The following CCDC102A variants were observed in gnomAD, a reference collection of about 807,000 sequenced individuals.
CCDC102A encodes the protein coiled-coil domain containing 102A.
Under a neutral mutation model 55.5 loss-of-function variants are expected in CCDC102A, and 40 were observed. The observed-to-expected ratio is 0.72, with a 90% CI of 0.56 to 0.94. CCDC102A has a LOEUF of 0.94. Ranked by LOEUF, CCDC102A falls within the 40% of genes least tolerant of loss-of-function variation. The pLI, the probability that CCDC102A is intolerant of heterozygous loss-of-function variation, is 0.00. For synonymous variants in CCDC102A, 323 were observed against 339.0 expected (o/e 0.95, Z 0.52); for missense variants, 779 against 768.6 (o/e 1.01, Z -0.16).
chr16:57,519,911 C>G (rs2032016946), intron 4 of CCDC102A, among the ~76,000 whole-genome samples: 1 of 152,230 alleles, frequency 6.6e-6, no homozygotes, highest in East Asian at 1.9e-4. Context: ...CCCACCGATC[C>G]AGTGTGGCGT....
chr16:57,518,496 C>G, intron 5 of CCDC102A, 129 bp downstream of exon 5: 1 of 842,638 alleles, frequency 1.2e-6, no homozygotes, highest in Admixed American at 2.0e-5. Context: ...GATCAGGACA[C>G]CATTGGATGT....
intron 8 of CCDC102A, among the ~76,000 whole-genome samples, chr16:57,513,747 G>A (rs756785940): frequency 6.6e-6 from 1 of 152,206 alleles, no homozygotes; most frequent in Non-Finnish European, 1.5e-5. Flanking sequence ...AGCCAGCCAG[G>A]CATGGGTCCT....
At chr16:57,517,540 C>T (rs2031975688) in intron 6 of CCDC102A, among the ~76,000 whole-genome samples, 1 of 152,118 alleles carries the variant, frequency 6.6e-6, no homozygotes, top group Non-Finnish European at 1.5e-5. Context: ...TATGGGGTTT[C>T]GCCATGTTAG....
intron 3 of CCDC102A, among the ~76,000 whole-genome samples, chr16:57,522,919 C>T (rs148484154): frequency 9.3e-4 from 142 of 152,306 alleles, no homozygotes; most frequent in African/African-American, 3.3e-3. Flanking sequence ...GTAATCCTAG[C>T]GCTTTGGGAG....
Position 57,523,647 on chromosome 16 carries a change from A to AT in CCDC102A, c.812+2253dup, listed in dbSNP as rs1299522774. On this transcript the variant is annotated intron_variant, in intron 3 of 8. Transcript: ENST00000258214. ...AGTGGCACAGCCCCGTTCCCAGCTA[A>AT]TTTTTTTTTTTTTGTAGGCCAGGCA... is the stretch of plus-strand genomic sequence containing the variant. Among the ~76,000 whole-genome samples the AT allele has an allele frequency of 2.1e-3, 309 of 145,518 alleles. 1 individual carries two copies. The highest frequency in any genetic ancestry group is 0.011 in the Middle Eastern group (3 of 274).
At chr16:57,532,778 CAT>C (rs1477622874) in intron 1 of CCDC102A, among the ~76,000 whole-genome samples, 1 of 152,100 alleles carries the variant, frequency 6.6e-6, no homozygotes, top group African/African-American at 2.4e-5. Context: ...CCTAGCTCCA[CAT>C]AGAGAAGCTC....
chr16:57,535,514 C>T (rs1006917142), intron 1 of CCDC102A, among the ~76,000 whole-genome samples: 1 of 152,046 alleles, frequency 6.6e-6, no homozygotes, highest in Non-Finnish European at 1.5e-5. Flanking sequence ...TCTTAGCCAC[C>T]TGAGGGGCAC....
chr16:57,520,345 G>A (rs1213502420), intron 4 of CCDC102A, among the ~76,000 whole-genome samples: 1 of 152,012 alleles, frequency 6.6e-6, no homozygotes, highest in Non-Finnish European at 1.5e-5. Context: ...AGCCCCTTTA[G>A]GTCTTGCCTC....
At chr16:57,531,823 C>T (rs146648642) in intron 1 of CCDC102A, among the ~76,000 whole-genome samples, 4 of 152,216 alleles carry the variant, frequency 2.6e-5, no homozygotes, top group Non-Finnish European at 5.9e-5. Context: ...TCCTGGCAAA[C>T]GCCAACCCTG....
chr16:57,534,652 C>T (rs992582622), intron 1 of CCDC102A, among the ~76,000 whole-genome samples: 19 of 152,268 alleles, frequency 1.2e-4, no homozygotes, highest in African/African-American at 4.6e-4. Flanking sequence ...ACAGCAGATG[C>T]GTGATGGATG....
In CCDC102A at chr16:57,512,528, G is replaced by T. The variant is rs113455400; in HGVS notation, c.*213C>A. ...CTTCTGGGTGTGCGCGCGCGCGCGC[G>T]CGTGTGTGTATATATATATATAAAA... On this transcript the variant is annotated 3_prime_UTR_variant, in exon 9 of 9. Transcript: ENST00000258214. The T allele has an allele frequency of 6.0e-6, 3 of 497,492 alleles. No homozygotes were observed. Among genetic ancestry groups the T allele is most frequent in the Non-Finnish European group, 1.0e-5 (3 of 290,958 alleles). 30.8% of individuals were successfully genotyped at this position (497,492 alleles called of 1,614,324 possible).
intron 8 of CCDC102A, 57 bp from the exon 9 acceptor site, chr16:57,512,927 G>A: frequency 1.3e-6 from 2 of 1,507,514 alleles, no homozygotes; most frequent in Non-Finnish European, 1.8e-6. Context: ...CCCCCGATAA[G>A]GTGGCTGCAG....
In CCDC102A at chr16:57,529,450, T is replaced by G. The variant is rs1001848431; in HGVS notation, c.-147-126A>C. 16 of 200,012 alleles carry G rather than the reference T, an allele frequency of 8.0e-5. No individual in the cohort carries two copies. In the Admixed American group the frequency reaches 1.0e-3, roughly 13 times the overall value. The allele number at this position is 200,012 out of a possible 1,614,324, so 12.4% of individuals were successfully genotyped here. ...AGGAGAGAGTTCTGTTCCAGGAGAG[T>G]CCCAATGAGGCAGGATTGGTGGAGC... is the stretch of plus-strand genomic sequence containing the variant. On this transcript the variant is annotated intron_variant, in intron 1 of 8. Coordinates refer to ENST00000258214, the MANE Select transcript of CCDC102A (RefSeq NM_033212.4). The surrounding 1 kb of genome is among the most constrained non-coding windows in gnomAD (Gnocchi z 4.1).
At chr16:57,532,061 G>C (rs2032276656) in intron 1 of CCDC102A, among the ~76,000 whole-genome samples, 1 of 152,164 alleles carries the variant, frequency 6.6e-6, no homozygotes, top group African/African-American at 2.4e-5. Context: ...CCAACCTCAT[G>C]TAAGCCACTG....
intron 2 of CCDC102A, 36 bp downstream of exon 2, chr16:57,528,557 A>G (rs1169902857): frequency 2.5e-6 from 3 of 1,188,616 alleles, no homozygotes; most frequent in African/African-American, 1.6e-5. Flanking sequence ...GCCCACTTCG[A>G]GACTGGAGCG....
In CCDC102A at chr16:57,516,107, C is replaced by T. The variant is rs572168507; in HGVS notation, c.1419+186G>A. ...TTCTGTTCATTTTTCTTCCCATCTTCCCACCCACATGTCCATCCTGCCATC... is the reference window on the plus strand; with the variant it reads ...TTCTGTTCATTTTTCTTCCCATCTTTCCACCCACATGTCCATCCTGCCATC... On this transcript the variant is annotated intron_variant, in intron 7 of 8. Transcript: ENST00000258214. The surrounding 1 kb of genome is among the most constrained non-coding windows in gnomAD (Gnocchi z 4.4). Among the ~76,000 whole-genome samples the T allele has an allele frequency of 9.2e-5, 14 of 152,372 alleles. No homozygotes were observed. In the South Asian group the frequency reaches 2.9e-3, roughly 32 times the overall value.
Position 57,516,171 on chromosome 16 carries a change from C to T in CCDC102A, c.1419+122G>A, listed in dbSNP as rs1452088994. On this transcript the variant is annotated intron_variant, in intron 7 of 8. Coordinates refer to ENST00000258214, the MANE Select transcript of CCDC102A (RefSeq NM_033212.4). This position sits in a 1 kb window ranked among gnomAD's most constrained non-coding sequence, Gnocchi z 4.4. ...CCTACCCACTCTATCCTGGGCGACTCCTGAGAGACAGGCTTGTGCCAGGCA... is the reference window on the plus strand; with the variant it reads ...CCTACCCACTCTATCCTGGGCGACTTCTGAGAGACAGGCTTGTGCCAGGCA... 1 of 977,178 alleles carries T rather than the reference C, an allele frequency of 1.0e-6. No individual in the cohort carries two copies. Among genetic ancestry groups the T allele is most frequent in the African/African-American group, 1.6e-5 (1 of 62,098 alleles). 60.5% of individuals were successfully genotyped at this position (977,178 alleles called of 1,614,324 possible).
At chr16:57,518,465 G>C (rs2031995808) in intron 5 of CCDC102A, among the ~76,000 whole-genome samples, 160 bp downstream of exon 5, 1 of 152,244 alleles carries the variant, frequency 6.6e-6, no homozygotes, top group African/African-American at 2.4e-5. Flanking sequence ...CTCTGTGTGG[G>C]AGAGAGGCCT....
chr16:57,529,229 G>A lies in CCDC102A; in HGVS notation c.-52C>T. On this transcript the variant is annotated 5_prime_UTR_variant, in exon 2 of 9. Coordinates refer to ENST00000258214, the MANE Select transcript of CCDC102A (RefSeq NM_033212.4). This position sits in a 1 kb window ranked among gnomAD's most constrained non-coding sequence, Gnocchi z 4.1. Reference sequence around the variant, plus strand: ...GAACTCGCGGTCGGGCTCAGGGGCGGCTCCGGGGACGCGCGGCGGGCGCGA... The same window carrying A: ...GAACTCGCGGTCGGGCTCAGGGGCGACTCCGGGGACGCGCGGCGGGCGCGA... 8.7e-7 allele frequency: 1 copy of A among 1,145,094 alleles called. No individual in the cohort carries two copies. The highest frequency in any genetic ancestry group is 1.1e-6 in the Non-Finnish European group (1 of 931,030). The allele number at this position is 1,145,094 out of a possible 1,614,324, so 70.9% of individuals were successfully genotyped here.
Sources: allele counts gnomAD v4.1 joint callset (sites outside exome capture counted in the v4.1 genomes callset), GRCh38; gene constraint gnomAD v4.1.1; non-coding constraint Gnocchi (gnomAD v3.1); transcripts MANE v1.5; gene names NCBI Gene and HGNC (gene_info 2026-07-23, HGNC 2026-07-21).